PRKG1: variants seen among roughly 807,000 people sequenced by gnomAD.
The protein encoded by PRKG1 is protein kinase cGMP-dependent 1.
In PRKG1, 35 loss-of-function variants were observed where a neutral mutation model predicts 88.1. The ratio of observed to expected loss-of-function variants is 0.40; its 90% CI spans 0.30 to 0.53. PRKG1 has a LOEUF of 0.53. PRKG1 is among the 20% of genes least tolerant of loss of function. The pLI, the probability that PRKG1 is intolerant of heterozygous loss-of-function variation, is 0.59. For synonymous variants in PRKG1, 303 were observed against 292.5 expected (o/e 1.04, Z -0.37); for missense variants, 540 against 839.8 (o/e 0.64, Z 4.41).
intron 6 of PRKG1, among the ~76,000 whole-genome samples, chr10:52,060,892 A>G (rs1419953455): frequency 1.3e-5 from 2 of 152,032 alleles, no homozygotes; most frequent in African/African-American, 4.8e-5. Flanking sequence ...AAGTATAACA[A>G]AAATAAAACT....
At chr10:52,190,188 A>G (rs1839328342) in intron 9 of PRKG1, among the ~76,000 whole-genome samples, 1 of 152,238 alleles carries the variant, frequency 6.6e-6, no homozygotes, top group Non-Finnish European at 1.5e-5. Context: ...ATGAAATTTT[A>G]TGTGTATTCA....
At chr10:52,089,770 C>T (rs1247388091) in intron 7 of PRKG1, among the ~76,000 whole-genome samples, 1 of 148,492 alleles carries the variant, frequency 6.7e-6, no homozygotes, top group African/African-American at 2.5e-5. Flanking sequence ...AACCAACCAA[C>T]ACATCTAGGG....
intron 4 of PRKG1, among the ~76,000 whole-genome samples, chr10:51,883,020 TAGTA>T (rs1303602490): frequency 7.2e-5 from 11 of 152,278 alleles, no homozygotes; most frequent in African/African-American, 2.6e-4. Flanking sequence ...TTTGAACTGG[TAGTA>T]AGTAAAGAAG....
chr10:51,983,362 G>A (rs1844064970), intron 5 of PRKG1, among the ~76,000 whole-genome samples: 1 of 152,138 alleles, frequency 6.6e-6, no homozygotes, highest in Non-Finnish European at 1.5e-5. Flanking sequence ...GTGGGCTGGT[G>A]TATGGCATGG....
intron 2 of PRKG1, among the ~76,000 whole-genome samples, chr10:51,263,661 C>A (rs928246776): frequency 6.6e-6 from 1 of 152,100 alleles, no homozygotes; most frequent in Non-Finnish European, 1.5e-5. Context: ...GTGCATGTAA[C>A]GTATATGATA....
intron 1 of PRKG1, among the ~76,000 whole-genome samples, chr10:51,093,836 G>A (rs573150429): frequency 5.4e-5 from 7 of 129,166 alleles, no homozygotes; most frequent in Admixed American, 1.6e-4. Flanking sequence ...ACACACACAC[G>A]CCATGCACTC....
At chr10:51,668,002 C>T (rs780169687) in intron 3 of PRKG1, among the ~76,000 whole-genome samples, 3 of 151,966 alleles carry the variant, frequency 2.0e-5, no homozygotes, top group Middle Eastern at 3.2e-3. Flanking sequence ...TTGAATGCCT[C>T]TTAAATCACT....
At chr10:51,700,755 G>T (rs1052036455) in intron 3 of PRKG1, among the ~76,000 whole-genome samples, 7 of 152,144 alleles carry the variant, frequency 4.6e-5, no homozygotes, top group African/African-American at 9.7e-5. Flanking sequence ...TGTGATTGAA[G>T]AAATGAATTT....
At position 50,991,780 on chromosome 10, in the gene PRKG1, C is replaced by T; in HGVS notation, c.266+136C>T. 1 of 580,900 alleles carries T rather than the reference C, an allele frequency of 1.7e-6. No homozygotes were observed. The highest frequency in any genetic ancestry group is 2.2e-6 in the Non-Finnish European group (1 of 455,036). The allele number at this position is 580,900 out of a possible 1,614,324, so 36.0% of individuals were successfully genotyped here. Reference sequence around the variant, plus strand: ...TGCGGCGCGCGGAGTGGGGGTGGCCCCGCGGCCCGGGAATGGGAAGTGTTT... The same window carrying T: ...TGCGGCGCGCGGAGTGGGGGTGGCCTCGCGGCCCGGGAATGGGAAGTGTTT... On this transcript the variant is annotated intron_variant, in intron 1 of 17. Coordinates refer to the PRKG1 transcript ENST00000401604. The surrounding 1 kb of genome is among the most constrained non-coding windows in gnomAD (Gnocchi z 4.5).
chr10:51,731,671 T>C (rs929439560), intron 3 of PRKG1, among the ~76,000 whole-genome samples: 5 of 152,218 alleles, frequency 3.3e-5, no homozygotes, highest in Non-Finnish European at 4.4e-5. Flanking sequence ...TGTATGCCTA[T>C]GTGCATCAGA....
chr10:51,866,510 T>G (rs1398389468), intron 4 of PRKG1, among the ~76,000 whole-genome samples: 1 of 152,108 alleles, frequency 6.6e-6, no homozygotes, highest in Non-Finnish European at 1.5e-5. Context: ...CTTTCTGTAA[T>G]AGAAAGCTTA....
chr10:51,863,991 T>C (rs1840952211), intron 4 of PRKG1, among the ~76,000 whole-genome samples: 1 of 152,188 alleles, frequency 6.6e-6, no homozygotes, highest in Admixed American at 6.5e-5. Flanking sequence ...CAATGTCATT[T>C]CTTTCCAACT....
At chr10:51,046,499 C>A (rs1257419042) in intron 1 of PRKG1, among the ~76,000 whole-genome samples, 8 of 152,102 alleles carry the variant, frequency 5.3e-5, no homozygotes. Context: ...CAGGTTATTG[C>A]CAGAGATTTG....
chr10:51,280,981 C>T (rs1477787279), intron 2 of PRKG1, among the ~76,000 whole-genome samples: 1 of 152,112 alleles, frequency 6.6e-6, no homozygotes, highest in Non-Finnish European at 1.5e-5. Flanking sequence ...GTTTTTCCCC[C>T]ATCTTTGTTG....
At chr10:51,027,078 C>T (rs1008655960) in intron 1 of PRKG1, among the ~76,000 whole-genome samples, 33 of 152,272 alleles carry the variant, frequency 2.2e-4, no homozygotes, top group African/African-American at 7.9e-4. Context: ...TGTGAGGCTC[C>T]TTGTTAAAAG....
intron 2 of PRKG1, among the ~76,000 whole-genome samples, chr10:51,188,867 CTGAAA>C (rs2132037220): frequency 6.6e-6 from 1 of 151,998 alleles, no homozygotes; most frequent in Non-Finnish European, 1.5e-5. Context: ...TCCAAAAGAA[CTGAAA>C]TGAAAAAGAG....
chr10:51,309,772 A>T (rs1439491072), intron 2 of PRKG1, among the ~76,000 whole-genome samples: 1 of 152,222 alleles, frequency 6.6e-6, no homozygotes, highest in Non-Finnish European at 1.5e-5. Flanking sequence ...AAAAATTGTT[A>T]TATCAAGAAG....
At chr10:51,856,837 T>C (rs1482742749) in intron 4 of PRKG1, among the ~76,000 whole-genome samples, 1 of 151,742 alleles carries the variant, frequency 6.6e-6, no homozygotes, top group African/African-American at 2.4e-5. Context: ...TGGTGGCGGG[T>C]GCCTTAGTCC....
intron 2 of PRKG1, among the ~76,000 whole-genome samples, chr10:51,339,299 A>T (rs745598879): frequency 4.6e-5 from 7 of 152,126 alleles, no homozygotes; most frequent in Non-Finnish European, 8.8e-5. Flanking sequence ...TCCATACCAG[A>T]GGAGAGCTGT....
Sources: gnomAD v4.1 joint callset for allele counts (sites outside exome capture counted in the v4.1 genomes callset) on GRCh38, gnomAD v4.1.1 for gene constraint, Gnocchi (gnomAD v3.1) non-coding constraint, MANE v1.5 for transcripts, NCBI Gene and HGNC (gene_info 2026-07-23, HGNC 2026-07-21) for gene names.